The following MALRD1 variants were observed in gnomAD, a reference collection of about 807,000 sequenced individuals.
MALRD1 encodes the protein MAM and LDL-receptor class A domain-containing protein 1.
Under a neutral mutation model 242.1 loss-of-function variants are expected in MALRD1, and 247 were observed. The ratio of observed to expected loss-of-function variants is 1.02; its 90% CI spans 0.92 to 1.13. MALRD1 has a LOEUF of 1.13. MALRD1 is among the 50% of genes most tolerant of loss of function. The pLI is 0.00. For synonymous variants in MALRD1, 995 were observed against 866.6 expected (o/e 1.15, Z -2.60); for missense variants, 2,989 against 2,533.1 (o/e 1.18, Z -3.86).
chr10:19,387,663 G>T lies in MALRD1; in HGVS notation c.4577G>T (p.Gly1526Val), dbSNP rs1309740116. The T allele has an allele frequency of 1.3e-6, 2 of 1,550,234 alleles. No homozygotes were observed. The highest frequency in any genetic ancestry group is 2.4e-5 in the South Asian group (2 of 84,054). Residue 1526 changes from glycine (G) to valine (V), a missense_variant, in exon 27 of 40, where the codon GGC (glycine) becomes GTC (valine). By Grantham distance (109) the Gly-to-Val change is moderately radical. Coordinates refer to ENST00000454679, the MANE Select transcript of MALRD1 (RefSeq NM_001142308.3). ...GGTAGCTCCTGTACTTTTGAAAAAGGCTGGTGTGGCTGGCAAAACTCCCAG... is the reference window on the plus strand; with the variant it reads ...GGTAGCTCCTGTACTTTTGAAAAAGTCTGGTGTGGCTGGCAAAACTCCCAG... The part of the protein sequence containing the change: ...ECGSSCTFEK[G>V]WCGWQNSQAD...
intron 18 of MALRD1, among the ~76,000 whole-genome samples, chr10:19,228,822 G>T (rs1307615196): frequency 1.3e-5 from 2 of 151,972 alleles, no homozygotes; most frequent in Non-Finnish European, 2.9e-5. Flanking sequence ...TACTATAAAG[G>T]ATATACCAAA....
rs577401766 is a variant in MALRD1 at position 19,527,188 on chromosome 10, G to GT, written c.5321-4005dup. ...TTTTGTTTTTTACTTCTCTTTATTAGTAAATTACTGAGAACTCTAAAGATG... is the reference window on the plus strand; with the variant it reads ...TTTTGTTTTTTACTTCTCTTTATTAGTTAAATTACTGAGAACTCTAAAGATG... On this transcript the variant is annotated intron_variant, in intron 31 of 39. Coordinates refer to ENST00000454679, the MANE Select transcript of MALRD1 (RefSeq NM_001142308.3). 5.0e-4 allele frequency among the ~76,000 whole-genome samples: 76 copies of GT among 152,160 alleles called. 1 individual carries two copies. In the South Asian group the frequency reaches 0.016, roughly 32 times the overall value.
rs117542829 is a variant in MALRD1 at position 19,588,115 on chromosome 10, C to T, written c.5681-7079C>T. ...ATGAAATGAATGACAGAGTTCTTTA[C>T]TTAATTATAAGTTTATATTCAAATA... On this transcript the variant is annotated intron_variant, in intron 33 of 39. Transcript: ENST00000454679. 2.6e-3 allele frequency among the ~76,000 whole-genome samples: 388 copies of T among 151,856 alleles called. 6 individuals carry two copies. The East Asian group carries it at 0.058, about 23-fold the overall frequency.
intron 2 of MALRD1, among the ~76,000 whole-genome samples, chr10:19,081,905 G>A (rs1162270490): frequency 2.6e-5 from 4 of 151,894 alleles, no homozygotes; most frequent in Non-Finnish European, 5.9e-5. Context: ...AACCTAAAAT[G>A]TGTCTCTTGT....
chr10:19,577,569 T>G (rs1281796315), intron 33 of MALRD1, among the ~76,000 whole-genome samples: 2 of 152,100 alleles, frequency 1.3e-5, no homozygotes, highest in African/African-American at 4.8e-5. Flanking sequence ...ATGACAACCA[T>G]GGAAAAATCA....
chr10:19,096,389 A>T (rs1836034512), intron 4 of MALRD1, among the ~76,000 whole-genome samples: 2 of 152,192 alleles, frequency 1.3e-5, no homozygotes, highest in Admixed American at 1.3e-4. Context: ...TGTGCAATAT[A>T]TTAATTTTAT....
Position 19,351,225 on chromosome 10 carries a change from A to G in MALRD1, c.4150-781A>G, listed in dbSNP as rs182482230. Among the ~76,000 whole-genome samples the G allele has an allele frequency of 3.1e-3, 470 of 152,304 alleles. 3 individuals are homozygous for G. The highest frequency in any genetic ancestry group is 0.011 in the African/African-American group (439 of 41,570). On this transcript the variant is annotated intron_variant, in intron 25 of 39. Coordinates refer to ENST00000454679, the MANE Select transcript of MALRD1 (RefSeq NM_001142308.3). ...CTGTTTTCCCTCATTCACACAAATG[A>G]CAAGACAAAAGCTTTAAAGGCTTTG...
Position 19,232,749 on chromosome 10 carries a change from A to G in MALRD1, c.2991+23069A>G, listed in dbSNP as rs779919534. The stretch of plus-strand genomic sequence containing the variant: ...TATCAGGCAAATCAAAAGTATACAT[A>G]CAAGCATGCAGATGAATTTCGGTGA... On this transcript the variant is annotated intron_variant, in intron 18 of 39. Coordinates refer to ENST00000454679, the MANE Select transcript of MALRD1 (RefSeq NM_001142308.3). 2.4e-4 allele frequency among the ~76,000 whole-genome samples: 37 copies of G among 152,194 alleles called. 1 individual carries two copies. The highest frequency in any genetic ancestry group is 3.3e-4 in the Admixed American group (5 of 15,282).
intron 33 of MALRD1, among the ~76,000 whole-genome samples, chr10:19,579,997 T>C (rs979379431): frequency 2.6e-5 from 4 of 152,146 alleles, no homozygotes; most frequent in African/African-American, 4.8e-5. Context: ...ACATTGCATA[T>C]AATTGTGGCC....
chr10:19,094,386 C>A (rs535106345), intron 4 of MALRD1, among the ~76,000 whole-genome samples: 1 of 133,610 alleles, frequency 7.5e-6, no homozygotes, highest in South Asian at 2.5e-4. Context: ...TTCTTTGACT[C>A]GGAAAGGGAA....
chr10:19,584,809 A>C (rs1332400379), intron 33 of MALRD1, among the ~76,000 whole-genome samples: 3 of 151,984 alleles, frequency 2.0e-5, no homozygotes, highest in Non-Finnish European at 1.5e-5. Flanking sequence ...TGATCTGTCT[A>C]ATGTTGACAG....
chr10:19,331,472 G>C lies in MALRD1; in HGVS notation c.3791G>C (p.Cys1264Ser), dbSNP rs1427037204. ...CSPLLSPERK[C>S]TDHEFMCANK... ...CCTTTGCTTAGCCCAGAGAGAAAGT[G>C]TACTGATCATGAATTCATGTGTGCT... The change falls in exon 24 of 40, where the codon TGT becomes TCT. Residue 1264 changes from cysteine (C) to serine (S), a missense_variant. Cys to Ser is a moderately radical substitution (Grantham distance 112). Coordinates refer to ENST00000454679, the MANE Select transcript of MALRD1 (RefSeq NM_001142308.3). The C allele has an allele frequency of 6.5e-7, 1 of 1,550,332 alleles. No individual in the cohort carries two copies. Among genetic ancestry groups the C allele is most frequent in the Admixed American group, 2.0e-5 (1 of 50,940 alleles).
intron 14 of MALRD1, among the ~76,000 whole-genome samples, chr10:19,179,994 A>G (rs576904912): frequency 6.6e-6 from 1 of 152,338 alleles, no homozygotes; most frequent in African/African-American, 2.4e-5. Context: ...AGAAAAAAAA[A>G]GAAGGTTGTC....
intron 28 of MALRD1, among the ~76,000 whole-genome samples, chr10:19,408,460 G>C (rs1589034518): frequency 3.9e-5 from 6 of 152,070 alleles, no homozygotes; most frequent in Admixed American, 2.6e-4. Flanking sequence ...ACTCTCCTTT[G>C]AGTTTTTTAA....
intron 33 of MALRD1, among the ~76,000 whole-genome samples, chr10:19,593,836 G>T (rs7068320): frequency 0.048 from 7,266 of 152,242 alleles, 500 homozygotes; most frequent in African/African-American, 0.15. Context: ...GTGGGCTTCA[G>T]TGTCTTCGTT....
chr10:19,507,971 A>G (rs72788555), intron 31 of MALRD1, among the ~76,000 whole-genome samples: 2,890 of 152,330 alleles, frequency 0.019, 48 homozygotes, highest in Non-Finnish European at 0.03. Context: ...TGAATAAATC[A>G]GAGAAGGATC....
intron 36 of MALRD1, among the ~76,000 whole-genome samples, chr10:19,670,493 T>C (rs1841868282): frequency 6.6e-6 from 1 of 152,172 alleles, no homozygotes; most frequent in African/African-American, 2.4e-5. Context: ...TGCTGAATTA[T>C]CAACAAGCAG....
At chr10:19,255,723 T>C (rs1057087053) in intron 18 of MALRD1, among the ~76,000 whole-genome samples, 2 of 152,072 alleles carry the variant, frequency 1.3e-5, no homozygotes, top group African/African-American at 2.4e-5. Context: ...GATTAAATTA[T>C]GTATTAGAGC....
intron 21 of MALRD1, among the ~76,000 whole-genome samples, chr10:19,309,182 A>C (rs1042778306): frequency 8.6e-5 from 13 of 151,656 alleles, no homozygotes; most frequent in African/African-American, 3.1e-4. Context: ...ATTCTCACAG[A>C]GGTGATTCAT....
Sources: allele counts gnomAD v4.1 joint callset (sites outside exome capture counted in the v4.1 genomes callset), GRCh38; gene constraint gnomAD v4.1.1; transcripts MANE v1.5; gene names NCBI Gene and HGNC (gene_info 2026-07-23, HGNC 2026-07-21).